The following SLC7A9 variants were observed in gnomAD, a reference collection of about 807,000 sequenced individuals.
SLC7A9 encodes the protein B(0,+)-type amino acid transporter 1.
SLC7A9 carries 38 observed loss-of-function variants against 54.1 expected under a neutral mutation model. The ratio of observed to expected loss-of-function variants is 0.70; its 90% CI spans 0.54 to 0.92. The LOEUF (loss-of-function observed/expected upper bound fraction) is 0.92, where lower values mean the gene tolerates loss of function less well. Ranked by LOEUF, SLC7A9 falls within the 40% of genes least tolerant of loss-of-function variation. The pLI is 0.00. For synonymous variants in SLC7A9, 264 were observed against 258.9 expected (o/e 1.02, Z -0.19); for missense variants, 537 against 636.1 (o/e 0.84, Z 1.68).
chr19:32,833,402 G>C (rs756675670), intron 11 of SLC7A9, 79 bp from the exon 12 acceptor site: 22 of 1,273,782 alleles, frequency 1.7e-5, no homozygotes, highest in East Asian at 2.4e-5. Context: ...TTTATAAAAA[G>C]AGTATGAACT....
intron 4 of SLC7A9, among the ~76,000 whole-genome samples, chr19:32,863,520 C>T (rs539228013): frequency 4.1e-4 from 62 of 152,206 alleles, no homozygotes; most frequent in Non-Finnish European, 6.5e-4. Flanking sequence ...CCACCATACC[C>T]GGCTAATGTT....
chr19:32,861,221 C>T (rs1968791030), intron 6 of SLC7A9, among the ~76,000 whole-genome samples: 1 of 151,598 alleles, frequency 6.6e-6, no homozygotes, highest in Non-Finnish European at 1.5e-5. Flanking sequence ...CCCAGCTAGT[C>T]GGGAGGCTGA....
At chr19:32,842,831 A>G (rs896522816) in intron 10 of SLC7A9, among the ~76,000 whole-genome samples, 6 of 151,868 alleles carry the variant, frequency 4.0e-5, no homozygotes, top group Non-Finnish European at 8.8e-5. Flanking sequence ...TTTTAATGGT[A>G]AAAAACCGCA....
chr19:32,859,837 T>C lies in SLC7A9; in HGVS notation c.873+4A>G, dbSNP rs1172997843. The C allele has an allele frequency of 6.2e-7, 1 of 1,613,120 alleles. No homozygotes were observed. Among genetic ancestry groups the C allele is most frequent in the South Asian group, 1.1e-5 (1 of 91,056 alleles). On this transcript the variant is annotated splice_donor_region_variant and intron_variant, in intron 8 of 12. Coordinates refer to ENST00000023064, the MANE Select transcript of SLC7A9 (RefSeq NM_014270.5). ...CCCGCCAGCAGCGATGCCCGGGCACTCACCACAGCCACCGCCTGGGACTGC... is the reference window on the plus strand; with the variant it reads ...CCCGCCAGCAGCGATGCCCGGGCACCCACCACAGCCACCGCCTGGGACTGC...
At position 32,860,670 on chromosome 19, in the gene SLC7A9, A is replaced by G. The variant is rs2145840104; in HGVS notation, c.705-20T>C. 3 of 1,614,106 alleles carry G rather than the reference A, an allele frequency of 1.9e-6. 1 individual carries two copies. The highest frequency in any genetic ancestry group is 2.5e-6 in the Non-Finnish European group (3 of 1,179,996). On this transcript the variant is annotated intron_variant, in intron 6 of 12. Transcript: ENST00000023064. The stretch of plus-strand genomic sequence containing the variant: ...TGATTCCTGGAAAAAGGAAAGTAAC[A>G]AGCGTCACACACCTTGACTTTCTTT...
intron 9 of SLC7A9, among the ~76,000 whole-genome samples, chr19:32,855,069 T>G (rs986358096): frequency 1.3e-5 from 2 of 152,088 alleles, no homozygotes; most frequent in Admixed American, 6.6e-5. Flanking sequence ...CACAGATGAA[T>G]GAATAAAAAT....
Position 32,862,151 on chromosome 19 carries a change from G to T in SLC7A9, c.671C>A (p.Ala224Glu), listed in dbSNP as rs140873167. ...AQLSVGAISLAFYNGLWAYDG... is the reference protein window; with the variant it reads ...AQLSVGAISLEFYNGLWAYDG... ...ATAGGCCCAGAGTCCATTGTAAAAC[G>T]CCAGGCTGATGGCTCCCACAGACAG... The change falls in exon 6 of 13, where the codon GCG (alanine) becomes GAG (glutamate). Residue 224 changes from alanine to glutamate, a missense_variant. Ala to Glu is a moderately radical substitution (Grantham distance 107, BLOSUM62 -1). Coordinates refer to ENST00000023064, the MANE Select transcript of SLC7A9 (RefSeq NM_014270.5). The T allele has an allele frequency of 2.5e-6, 4 of 1,613,516 alleles. No individual in the cohort carries two copies. The highest frequency in any genetic ancestry group is 1.3e-5 in the African/African-American group (1 of 75,004).
chr19:32,835,913 G>GTGTA (rs1555781353), intron 11 of SLC7A9, among the ~76,000 whole-genome samples: 1 of 49,478 alleles, frequency 2.0e-5, no homozygotes. Context: ...GTGTGTGTAT[G>GTGTA]TGTGTGTGTG....
chr19:32,858,961 G>A (rs1968713931), intron 8 of SLC7A9, among the ~76,000 whole-genome samples: 2 of 151,922 alleles, frequency 1.3e-5, no homozygotes, highest in South Asian at 2.1e-4. Context: ...GCTAATTTTT[G>A]TATTTTTAGT....
chr19:32,864,741 G>A lies in SLC7A9; in HGVS notation c.123C>T (p.Gly41=). ...CGAAGATCCCAGAGCCAATGATGGT[G>A]CCCACGATGATGGAGATGCCACTGA... ...GLISGISIIV[G]TIIGSGIFVS... The change falls in exon 3 of 13, where the codon GGC becomes GGT. Residue 41 remains glycine (G), a synonymous_variant. Coordinates refer to ENST00000023064, the MANE Select transcript of SLC7A9 (RefSeq NM_014270.5). The A allele has an allele frequency of 2.5e-6, 4 of 1,614,206 alleles. No homozygotes were observed. Among genetic ancestry groups the A allele is most frequent in the Non-Finnish European group, 1.7e-6 (2 of 1,180,032 alleles).
At position 32,859,512 on chromosome 19, in the gene SLC7A9, T is replaced by C. The variant is rs141943949; in HGVS notation, c.873+329A>G. On this transcript the variant is annotated intron_variant, in intron 8 of 12. Coordinates refer to ENST00000023064, the MANE Select transcript of SLC7A9 (RefSeq NM_014270.5). The stretch of plus-strand genomic sequence containing the variant: ...ACCCCAATGCCTCTCACCTCTCACC[T>C]TCTATGATTCATTATTATTTAGGGT... Among the ~76,000 whole-genome samples, 857 of 152,248 alleles carry C rather than the reference T, an allele frequency of 5.6e-3. 9 individuals are homozygous for C. Among genetic ancestry groups the C allele is most frequent in the Middle Eastern group, 0.02 (6 of 294 alleles).
intron 9 of SLC7A9, among the ~76,000 whole-genome samples, chr19:32,855,559 G>T (rs535794694): frequency 2.0e-5 from 3 of 152,052 alleles, no homozygotes; most frequent in South Asian, 2.1e-4. Context: ...AAAATTAGCC[G>T]GGCGTGATGG....
intron 11 of SLC7A9, among the ~76,000 whole-genome samples, chr19:32,833,853 T>G (rs1201195802): frequency 6.6e-6 from 1 of 152,176 alleles, no homozygotes; most frequent in African/African-American, 2.4e-5. Flanking sequence ...CCACTGATGA[T>G]CGTTGCCTTC....
At chr19:32,834,492 T>C (rs1967898041) in intron 11 of SLC7A9, among the ~76,000 whole-genome samples, 5 of 151,824 alleles carry the variant, frequency 3.3e-5, no homozygotes, top group Admixed American at 3.3e-4. Context: ...TAGCCGGGCG[T>C]GATGGCAGAT....
rs1555785933 is a variant in SLC7A9 at position 32,868,248 on chromosome 19, A to AG, written c.87+199_87+200insC. ...TCCATCTCAAAAAAAAAAAAAAAAA[A>AG]AAGAAGATGCAGAATTCCCTGGCGA... On this transcript the variant is annotated intron_variant, in intron 2 of 12. Transcript: ENST00000023064. Among the ~76,000 whole-genome samples, 911 of 145,258 alleles carry AG rather than the reference A, an allele frequency of 6.3e-3. 6 individuals carry two copies. Among genetic ancestry groups the AG allele is most frequent in the East Asian group, 0.022 (107 of 4,830 alleles).
intron 11 of SLC7A9, among the ~76,000 whole-genome samples, chr19:32,837,375 G>A (rs1238465007): frequency 6.6e-6 from 1 of 151,656 alleles, no homozygotes. Flanking sequence ...TGCACCTGTG[G>A]TCCCAGCTAT....
intron 11 of SLC7A9, among the ~76,000 whole-genome samples, chr19:32,841,597 A>G (rs571160271): frequency 6.6e-4 from 100 of 152,224 alleles, no homozygotes; most frequent in African/African-American, 2.3e-3. Context: ...ATCTATGAAA[A>G]ATATATGTGC....
At chr19:32,838,101 G>C (rs1968016752) in intron 11 of SLC7A9, among the ~76,000 whole-genome samples, 1 of 152,152 alleles carries the variant, frequency 6.6e-6, no homozygotes, top group African/African-American at 2.4e-5. Flanking sequence ...AAGCCAAGCG[G>C]CCCTTCTGTT....
intron 9 of SLC7A9, among the ~76,000 whole-genome samples, chr19:32,855,749 T>A (rs1427827498): frequency 6.6e-6 from 1 of 151,952 alleles, no homozygotes; most frequent in African/African-American, 2.4e-5. Flanking sequence ...AACCTTGGCA[T>A]TATCAGTACT....
Sources: gnomAD v4.1 joint callset for allele counts (sites outside exome capture counted in the v4.1 genomes callset) on GRCh38, gnomAD v4.1.1 for gene constraint, MANE v1.5 for transcripts, NCBI Gene and HGNC (gene_info 2026-07-23, HGNC 2026-07-21) for gene names.